The following ITGB5 variants were observed in gnomAD, a reference collection of about 807,000 sequenced individuals.
The protein encoded by ITGB5 is integrin beta-5.
In ITGB5, 38 loss-of-function variants were observed where a neutral mutation model predicts 84.8. The observed-to-expected ratio is 0.45, with a 90% CI of 0.35 to 0.59. The LOEUF is 0.59. Ranked by LOEUF, ITGB5 falls within the 20% of genes least tolerant of loss-of-function variation. ITGB5 has a pLI of 0.01. For synonymous variants in ITGB5, 393 were observed against 414.4 expected (o/e 0.95, Z 0.63); for missense variants, 905 against 1,034.5 (o/e 0.87, Z 1.72).
At chr3:124,785,954 G>C (rs1344460993) in intron 10 of ITGB5, among the ~76,000 whole-genome samples, 1 of 152,210 alleles carries the variant, frequency 6.6e-6, no homozygotes, top group Non-Finnish European at 1.5e-5. Context: ...GTAGAAATGA[G>C]CTAATTGTTT....
chr3:124,798,992 A>T (rs1406527407), intron 9 of ITGB5, among the ~76,000 whole-genome samples: 1 of 152,226 alleles, frequency 6.6e-6, no homozygotes, highest in East Asian at 1.9e-4. Context: ...CAAGAGGCTC[A>T]ACAGGAGAGG....
At chr3:124,803,602 A>C (rs1325946144) in intron 9 of ITGB5, among the ~76,000 whole-genome samples, 1 of 152,180 alleles carries the variant, frequency 6.6e-6, no homozygotes, top group East Asian at 1.9e-4. Context: ...TTGTGAGTTC[A>C]CTGTCTCTTA....
chr3:124,878,003 T>C (rs1330812664), intron 1 of ITGB5, among the ~76,000 whole-genome samples: 2 of 152,176 alleles, frequency 1.3e-5, no homozygotes, highest in African/African-American at 4.8e-5. Flanking sequence ...CCATCACGCC[T>C]GGCTAATTTT....
chr3:124,765,557 A>G (rs757067780), intron 13 of ITGB5, among the ~76,000 whole-genome samples: 3 of 152,186 alleles, frequency 2.0e-5, no homozygotes, highest in Non-Finnish European at 4.4e-5. Flanking sequence ...TGTGCAGGGT[A>G]GGTATGTTCT....
chr3:124,850,283 C>T (rs190639901), intron 3 of ITGB5, among the ~76,000 whole-genome samples: 34 of 152,044 alleles, frequency 2.2e-4, no homozygotes, highest in African/African-American at 7.7e-4. Context: ...ACCTGGGCCA[C>T]GGTTTCTTGA....
chr3:124,777,499 A>G (rs770332976), intron 10 of ITGB5, among the ~76,000 whole-genome samples: 1 of 152,238 alleles, frequency 6.6e-6, no homozygotes, highest in Non-Finnish European at 1.5e-5. Flanking sequence ...TGTGACTCTG[A>G]TAATAGTCCC....
chr3:124,883,303 C>T (rs1432185600), intron 1 of ITGB5, among the ~76,000 whole-genome samples: 1 of 152,168 alleles, frequency 6.6e-6, no homozygotes, highest in Non-Finnish European at 1.5e-5. Context: ...TTCCCCGTTG[C>T]CTCAGTAGCT....
At chr3:124,898,747 C>T (rs867736938) in intron 1 of ITGB5, among the ~76,000 whole-genome samples, 1 of 110,972 alleles carries the variant, frequency 9.0e-6, no homozygotes, top group South Asian at 3.1e-4. Context: ...CTGGTCAACA[C>T]AGCAAAACCG....
intron 1 of ITGB5, among the ~76,000 whole-genome samples, chr3:124,893,648 C>T (rs1935044032): frequency 6.6e-6 from 1 of 152,064 alleles, no homozygotes; most frequent in South Asian, 2.1e-4. Flanking sequence ...GTGACAAGTC[C>T]AGGGGCACAC....
chr3:124,835,271 A>G (rs1052728238), intron 5 of ITGB5, among the ~76,000 whole-genome samples: 3 of 152,240 alleles, frequency 2.0e-5, no homozygotes, highest in Admixed American at 6.5e-5. Flanking sequence ...AGCTCACAGC[A>G]GAAGGCAGAG....
At chr3:124,841,585 T>C (rs1029124246) in intron 4 of ITGB5, 34 bp from the exon 5 acceptor site, 2 of 1,603,114 alleles carry the variant, frequency 1.2e-6, no homozygotes, top group African/African-American at 2.7e-5. Flanking sequence ...CACTTTTCCA[T>C]CATTGTCTGT....
Position 124,850,555 on chromosome 3 carries a change from A to AG in ITGB5, c.362-1998dup, listed in dbSNP as rs1267498347. Reference sequence around the variant, plus strand: ...TTTTTTAAAACCATGGGGTGGGGGGAGGGGGGAGGGATAGCATTGGGAGAT... The same window carrying AG: ...TTTTTTAAAACCATGGGGTGGGGGGAGGGGGGGAGGGATAGCATTGGGAGAT... On this transcript the variant is annotated intron_variant, in intron 3 of 14. Coordinates refer to ENST00000296181, the MANE Select transcript of ITGB5 (RefSeq NM_002213.5). 1.8e-3 allele frequency among the ~76,000 whole-genome samples: 136 copies of AG among 73,598 alleles called. 1 individual carries two copies. The highest frequency in any genetic ancestry group is 0.022 in the Middle Eastern group (2 of 92). The allele number at this position is 73,598 out of a possible 152,430, so 48.3% of individuals were successfully genotyped here.
intron 3 of ITGB5, among the ~76,000 whole-genome samples, chr3:124,855,062 C>T (rs1479490779): frequency 6.6e-6 from 1 of 152,116 alleles, no homozygotes; most frequent in Non-Finnish European, 1.5e-5. Context: ...CCTGTAATCC[C>T]AGTACTTTGG....
chr3:124,772,574 C>T (rs2063862105), intron 11 of ITGB5, among the ~76,000 whole-genome samples: 1 of 152,258 alleles, frequency 6.6e-6, no homozygotes, highest in Non-Finnish European at 1.5e-5. Context: ...CTCTGTGTCC[C>T]TTCCTCCTTA....
chr3:124,900,911 T>TA (rs1280316403), intron 1 of ITGB5, among the ~76,000 whole-genome samples: 5 of 152,302 alleles, frequency 3.3e-5, no homozygotes, highest in African/African-American at 9.6e-5. Context: ...ACATTGCTTA[T>TA]GGTTATGTAT....
intron 8 of ITGB5, among the ~76,000 whole-genome samples, chr3:124,810,976 G>A (rs1176809704): frequency 7.0e-6 from 1 of 143,562 alleles, no homozygotes; most frequent in Non-Finnish European, 1.5e-5. Flanking sequence ...TTGAATAAGT[G>A]AAATATGTAG....
intron 13 of ITGB5, 69 bp from the exon 14 acceptor site, chr3:124,764,626 C>T: frequency 6.7e-7 from 1 of 1,493,006 alleles, no homozygotes; most frequent in South Asian, 1.3e-5. Context: ...CAACTGCAGG[C>T]ATTTCTGAGA....
upstream of ITGB5, among the ~76,000 whole-genome samples, chr3:124,888,425 G>A (rs1264318981): frequency 6.6e-6 from 1 of 152,188 alleles, no homozygotes; most frequent in Non-Finnish European, 1.5e-5. Flanking sequence ...TTCCTCAGAT[G>A]GTGCAGGAAA....
intron 9 of ITGB5, among the ~76,000 whole-genome samples, chr3:124,798,921 C>T (rs1396027429): frequency 2.0e-5 from 3 of 152,160 alleles, no homozygotes; most frequent in Admixed American, 1.3e-4. Context: ...GAAAGTCCTG[C>T]GTGGCAGCAA....
Sources: gnomAD v4.1 joint callset for allele counts (sites outside exome capture counted in the v4.1 genomes callset) on GRCh38, gnomAD v4.1.1 for gene constraint, MANE v1.5 for transcripts, NCBI Gene and HGNC (gene_info 2026-07-23, HGNC 2026-07-21) for gene names.